MNAT1: variants seen among roughly 807,000 people sequenced by gnomAD.
The protein encoded by MNAT1 is CDK-activating kinase assembly factor MAT1.
A neutral mutation model predicts 42.0 loss-of-function variants in MNAT1; 43 were observed. The observed-to-expected ratio is 1.02, with a 90% CI of 0.80 to 1.32. The LOEUF (loss-of-function observed/expected upper bound fraction) is 1.32, where lower values mean the gene tolerates loss of function less well. Among genes scored for constraint, MNAT1 ranks in the 40% most tolerant of loss-of-function variants. MNAT1 has a pLI of 0.00. For missense variants in MNAT1, 306 were observed against 350.4 expected (o/e 0.87, Z 1.01); for synonymous variants, 118 against 120.0 (o/e 0.98, Z 0.11).
In MNAT1 at chr14:60,785,991, T is replaced by C. The variant is rs1257484330; in HGVS notation, c.90-10226T>C. ...ATATTTTTTCATGGCCTCTTAAAAA[T>C]AGTAGAAAAGTACAAACTGTTGTGG... On this transcript the variant is annotated intron_variant, in intron 1 of 7. Transcript: ENST00000261245. Among the ~76,000 whole-genome samples the C allele has an allele frequency of 2.6e-5, 4 of 151,886 alleles. 1 individual carries two copies. Among genetic ancestry groups the C allele is most frequent in the Admixed American group, 2.6e-4 (4 of 15,248 alleles).
At chr14:60,775,456 G>A (rs2031214420) in intron 1 of MNAT1, among the ~76,000 whole-genome samples, 1 of 152,132 alleles carries the variant, frequency 6.6e-6, no homozygotes, top group African/African-American at 2.4e-5. Context: ...GGGGAAATTG[G>A]GTAGTAGCTG....
intron 5 of MNAT1, among the ~76,000 whole-genome samples, chr14:60,815,994 AAG>A (rs1183616446): frequency 6.6e-6 from 1 of 152,162 alleles, no homozygotes; most frequent in Non-Finnish European, 1.5e-5. Flanking sequence ...AACTAAGTAA[AAG>A]AACGTATTTC....
In MNAT1 at chr14:60,749,626, A is replaced by G. The variant is rs559833473; in HGVS notation, c.89+14675A>G. Among the ~76,000 whole-genome samples, 3 of 152,320 alleles carry G rather than the reference A, an allele frequency of 2.0e-5. No individual in the cohort carries two copies. The South Asian group carries it at 6.2e-4, about 32-fold the overall frequency. ...ATTAGATGAGGCACAGTTCGAGTAAATTTAAGAATTCAAGTAAATCTATGA... is the reference window on the plus strand; with the variant it reads ...ATTAGATGAGGCACAGTTCGAGTAAGTTTAAGAATTCAAGTAAATCTATGA... On this transcript the variant is annotated intron_variant, in intron 1 of 7. Transcript: ENST00000261245.
chr14:60,779,904 G>A (rs1320917307), intron 1 of MNAT1: 3 of 891,082 alleles, frequency 3.4e-6, no homozygotes, highest in Non-Finnish European at 5.4e-6. Flanking sequence ...AGTGCTGTTG[G>A]AGCCGCTGTG....
chr14:60,764,721 C>T (rs771670438), intron 1 of MNAT1, among the ~76,000 whole-genome samples: 2 of 152,034 alleles, frequency 1.3e-5, no homozygotes, highest in Non-Finnish European at 2.9e-5. Context: ...TCTTCTGGAA[C>T]AAGGCAAGGA....
chr14:60,869,654 C>A (rs1423323499), intron 6 of MNAT1, among the ~76,000 whole-genome samples: 1 of 152,124 alleles, frequency 6.6e-6, no homozygotes, highest in African/African-American at 2.4e-5. Flanking sequence ...CCTAAATTGT[C>A]AGCACTTTGT....
intron 1 of MNAT1, among the ~76,000 whole-genome samples, chr14:60,750,529 C>CTTTTTT (rs775053270): frequency 3.3e-5 from 3 of 90,678 alleles, no homozygotes; most frequent in African/African-American, 1.3e-4. Flanking sequence ...TGCGCCCAGC[C>CTTTTTT]TTTTTTTTTT....
chr14:60,865,312 G>T, intron 6 of MNAT1, among the ~76,000 whole-genome samples: 1 of 151,920 alleles, frequency 6.6e-6, no homozygotes, highest in East Asian at 1.9e-4. Context: ...TAGGAAATTT[G>T]GACTTATGTA....
intron 1 of MNAT1, among the ~76,000 whole-genome samples, chr14:60,779,555 G>T (rs555621315): frequency 6.6e-6 from 1 of 152,194 alleles, no homozygotes; most frequent in African/African-American, 2.4e-5. Flanking sequence ...TTGGGAGGCC[G>T]AGCAGGAGGA....
At chr14:60,787,601 A>G (rs895013487) in intron 1 of MNAT1, among the ~76,000 whole-genome samples, 3 of 152,170 alleles carry the variant, frequency 2.0e-5, no homozygotes, top group African/African-American at 7.2e-5. Flanking sequence ...GATAACATTT[A>G]CTTACTGGAA....
intron 7 of MNAT1, among the ~76,000 whole-genome samples, chr14:60,907,782 CAAAAAAAAAA>C (rs71114166): frequency 3.9e-5 from 3 of 77,574 alleles, no homozygotes; most frequent in African/African-American, 1.5e-4. Flanking sequence ...AACTGTGTCT[CAAAAAAAAAA>C]AAAAAAAAAA....
intron 7 of MNAT1, among the ~76,000 whole-genome samples, chr14:60,955,266 A>C (rs935108674): frequency 6.6e-6 from 1 of 152,166 alleles, no homozygotes; most frequent in Non-Finnish European, 1.5e-5. Context: ...TTTTAGAAAA[A>C]TTTGAAGAAG....
chr14:60,807,939 ACT>A (rs1312341895), intron 3 of MNAT1, among the ~76,000 whole-genome samples: 1 of 151,672 alleles, frequency 6.6e-6, no homozygotes, highest in Admixed American at 6.6e-5. Context: ...TGATTTTTTA[ACT>A]CTTTTTTTAA....
intron 7 of MNAT1, among the ~76,000 whole-genome samples, chr14:60,906,844 C>A (rs1383071370): frequency 6.6e-6 from 1 of 152,104 alleles, no homozygotes; most frequent in African/African-American, 2.4e-5. Flanking sequence ...ACTTTTAAAT[C>A]TAATAGTATA....
intron 7 of MNAT1, among the ~76,000 whole-genome samples, chr14:60,902,466 A>G (rs2035090748): frequency 2.0e-5 from 3 of 152,186 alleles, no homozygotes; most frequent in Non-Finnish European, 4.4e-5. Flanking sequence ...GCATTTTTAT[A>G]CATTTATACT....
intron 1 of MNAT1, among the ~76,000 whole-genome samples, chr14:60,777,184 T>A (rs567032527): frequency 1.3e-5 from 2 of 152,142 alleles, no homozygotes; most frequent in Non-Finnish European, 2.9e-5. Flanking sequence ...ATTTGAGTAG[T>A]TGGGAGAAGG....
intron 6 of MNAT1, among the ~76,000 whole-genome samples, chr14:60,822,714 G>T (rs891092130): frequency 6.6e-6 from 1 of 151,820 alleles, no homozygotes; most frequent in African/African-American, 2.4e-5. Context: ...AAAGTGCTAG[G>T]ATTACAGGTG....
chr14:60,806,888 T>C (rs2032388398), intron 3 of MNAT1, among the ~76,000 whole-genome samples: 1 of 152,172 alleles, frequency 6.6e-6, no homozygotes, highest in African/African-American at 2.4e-5. Context: ...GAGGTAACTT[T>C]TTGAGAGTGC....
chr14:60,935,792 G>A (rs1014246499), intron 7 of MNAT1, among the ~76,000 whole-genome samples: 2 of 152,084 alleles, frequency 1.3e-5, no homozygotes, highest in African/African-American at 2.4e-5. Flanking sequence ...AGTTGAAGAT[G>A]CAGTATTGGA....
Sources: allele counts gnomAD v4.1 joint callset (sites outside exome capture counted in the v4.1 genomes callset), GRCh38; gene constraint gnomAD v4.1.1; transcripts MANE v1.5; gene names NCBI Gene and HGNC (gene_info 2026-07-23, HGNC 2026-07-21).